Variants in PLPP4 observed in about 807,000 individuals in gnomAD.
PLPP4 encodes phospholipid phosphatase 4, also known as diacylglycerol pyrophosphate like 2.
PLPP4 carries 20 observed loss-of-function variants against 32.2 expected under a neutral mutation model. That is an observed-to-expected ratio of 0.62 (90% CI 0.44 to 0.90). PLPP4 has a LOEUF of 0.90. Among genes scored for constraint, PLPP4 ranks in the 40% least tolerant of loss-of-function variants. The pLI is 0.00. For missense variants in PLPP4, 257 were observed against 353.1 expected, an observed-to-expected ratio of 0.73 and a Z score of 2.18; for synonymous variants, 127 against 133.0, an observed-to-expected ratio of 0.95 and a Z score of 0.31.
intron 2 of PLPP4, among the ~76,000 whole-genome samples, chr10:120,512,607 A>G (rs1276849187): frequency 6.6e-6 from 1 of 152,130 alleles, no homozygotes; most frequent in Non-Finnish European, 1.5e-5. Flanking sequence ...CTGTTTTTAT[A>G]AAAGAAGAGC....
chr10:120,527,388 A>C (rs994596671), intron 5 of PLPP4, among the ~76,000 whole-genome samples: 1 of 152,122 alleles, frequency 6.6e-6, no homozygotes, highest in Non-Finnish European at 1.5e-5. Flanking sequence ...CTTTACTCTT[A>C]AGGCCTTCAA....
chr10:120,475,617 C>T (rs909198401), intron 1 of PLPP4, among the ~76,000 whole-genome samples: 2 of 152,208 alleles, frequency 1.3e-5, no homozygotes, highest in African/African-American at 4.8e-5. Flanking sequence ...GTCCAGAGAA[C>T]AACACGAGAT....
intron 6 of PLPP4, among the ~76,000 whole-genome samples, chr10:120,586,986 C>CA (rs1471928699): frequency 6.6e-6 from 1 of 151,816 alleles, no homozygotes; most frequent in Non-Finnish European, 1.5e-5. Flanking sequence ...ATAGAAATGA[C>CA]ATTGAGCCCT....
chr10:120,498,046 GA>G (rs570906201), intron 1 of PLPP4, among the ~76,000 whole-genome samples: 2,356 of 141,024 alleles, frequency 0.017, 22 homozygotes, highest in Non-Finnish European at 0.028. Flanking sequence ...TCTCAAAAAA[GA>G]AAAAAAAAAG....
chr10:120,533,029 G>A (rs1187426556), intron 5 of PLPP4, among the ~76,000 whole-genome samples: 2 of 152,086 alleles, frequency 1.3e-5, no homozygotes, highest in Non-Finnish European at 2.9e-5. Context: ...GCCACTGAAG[G>A]TAATAACAAC....
intron 5 of PLPP4, among the ~76,000 whole-genome samples, chr10:120,571,091 G>GGT (rs1325313688): frequency 8.1e-5 from 6 of 74,126 alleles, no homozygotes; most frequent in African/African-American, 3.3e-4. Flanking sequence ...GTAGTAAAGG[G>GGT]GCGTGTGTGT....
chr10:120,505,899 A>G (rs900371468), intron 2 of PLPP4, among the ~76,000 whole-genome samples: 1 of 152,212 alleles, frequency 6.6e-6, no homozygotes, highest in African/African-American at 2.4e-5. Context: ...CCTATTTTTC[A>G]TAACATTTTA....
chr10:120,481,051 G>A lies in PLPP4; in HGVS notation c.57-22767G>A, dbSNP rs1004749209. Among the ~76,000 whole-genome samples the A allele has an allele frequency of 3.9e-5, 6 of 152,228 alleles. No individual in the cohort carries two copies. The East Asian group carries it at 7.7e-4, about 20-fold the overall frequency. ...CTCCTGGTGGGCAGGGCCTGTGTCT[G>A]CCTGTGAGACGCTCCACCCTGAGCT... On this transcript the variant is annotated intron_variant, in intron 1 of 6. Coordinates refer to ENST00000398250, the MANE Select transcript of PLPP4 (RefSeq NM_001030059.3).
chr10:120,518,495 A>G (rs1482055287), intron 3 of PLPP4, among the ~76,000 whole-genome samples: 1 of 152,196 alleles, frequency 6.6e-6, no homozygotes, highest in Non-Finnish European at 1.5e-5. Flanking sequence ...GTTACCAGTA[A>G]AAGAAATTCT....
At position 120,558,186 on chromosome 10, in the gene PLPP4, A is replaced by C. The variant is rs970879929; in HGVS notation, c.446-16945A>C. On this transcript the variant is annotated intron_variant, in intron 5 of 6. Transcript: ENST00000398250. ...TGTGGCCATTATCTTGAGATTTTCA[A>C]AATTATTTCTTTGCTTTTCTAGATA... 4.0e-5 allele frequency among the ~76,000 whole-genome samples: 6 copies of C among 151,856 alleles called. No individual in the cohort carries two copies. In the South Asian group the frequency reaches 1.2e-3, roughly 32 times the overall value.
At chr10:120,482,256 T>A (rs1440809572) in intron 1 of PLPP4, among the ~76,000 whole-genome samples, 3 of 152,108 alleles carry the variant, frequency 2.0e-5, no homozygotes, top group African/African-American at 7.2e-5. Flanking sequence ...TGTGGGAAAG[T>A]TTGGAACTCC....
At position 120,457,277 on chromosome 10, in the gene PLPP4, G is replaced by C. The variant is rs747815388; in HGVS notation, c.-29G>C. 6.8e-7 allele frequency: 1 copy of C among 1,473,286 alleles called. No homozygotes were observed. Among genetic ancestry groups the C allele is most frequent in the South Asian group, 1.3e-5 (1 of 74,986 alleles). The allele number at this position is 1,473,286 out of a possible 1,614,324, so 91.3% of individuals were successfully genotyped here. ...GCGGGAGCCGCGGAGAGCACCAGCT[G>C]ACGCCGCGGGAGCTGCTCCGGCCGC... On this transcript the variant is annotated 5_prime_UTR_variant, in exon 1 of 7. Coordinates refer to ENST00000398250, the MANE Select transcript of PLPP4 (RefSeq NM_001030059.3).
At position 120,480,619 on chromosome 10, in the gene PLPP4, C is replaced by T. The variant is rs78542612; in HGVS notation, c.57-23199C>T. On this transcript the variant is annotated intron_variant, in intron 1 of 6. Coordinates refer to ENST00000398250, the MANE Select transcript of PLPP4 (RefSeq NM_001030059.3). ...CAGAGCTGGCAGCAGCCACCAATGACGGGAGAGGACTGGCTTGAAGGCAGT... is the reference window on the plus strand; with the variant it reads ...CAGAGCTGGCAGCAGCCACCAATGATGGGAGAGGACTGGCTTGAAGGCAGT... Among the ~76,000 whole-genome samples the T allele has an allele frequency of 3.5e-3, 537 of 152,294 alleles. 7 individuals are homozygous for T. The highest frequency in any genetic ancestry group is 0.012 in the African/African-American group (501 of 41,544).
At chr10:120,519,420 C>T (rs1846062887) in intron 4 of PLPP4, among the ~76,000 whole-genome samples, 1 of 151,624 alleles carries the variant, frequency 6.6e-6, no homozygotes, top group Non-Finnish European at 1.5e-5. Context: ...AATTCAAGAC[C>T]TAACTAACTC....
chr10:120,572,834 G>A (rs1327108305), intron 5 of PLPP4, among the ~76,000 whole-genome samples: 1 of 152,204 alleles, frequency 6.6e-6, no homozygotes, highest in African/African-American at 2.4e-5. Flanking sequence ...TGCTTGCTAC[G>A]TTGGTGGCCA....
intron 5 of PLPP4, among the ~76,000 whole-genome samples, chr10:120,528,809 C>T (rs1846554434): frequency 6.6e-6 from 1 of 152,124 alleles, no homozygotes; most frequent in South Asian, 2.1e-4. Flanking sequence ...TTTTTTATCA[C>T]TCCCTCCTCC....
chr10:120,569,806 C>T (rs1439465764), intron 5 of PLPP4, among the ~76,000 whole-genome samples: 4 of 152,182 alleles, frequency 2.6e-5, no homozygotes, highest in Non-Finnish European at 4.4e-5. Flanking sequence ...CATTACATAT[C>T]GGGTGCCTCC....
intron 1 of PLPP4, among the ~76,000 whole-genome samples, chr10:120,494,516 T>G (rs1252392766): frequency 5.3e-5 from 8 of 152,218 alleles, no homozygotes; most frequent in Admixed American, 5.2e-4. Context: ...GTTGGGCATT[T>G]ATGCTTGCTA....
chr10:120,503,518 T>G, intron 1 of PLPP4: 16 of 1,581,212 alleles, frequency 1.0e-5, no homozygotes, highest in Non-Finnish European at 1.3e-5. Flanking sequence ...TGACTTCAGT[T>G]TCCAGTTTAC....
Sources: gnomAD v4.1 joint callset for allele counts (sites outside exome capture counted in the v4.1 genomes callset) on GRCh38, gnomAD v4.1.1 for gene constraint, MANE v1.5 for transcripts, NCBI Gene and HGNC (gene_info 2026-07-23, HGNC 2026-07-21) for gene names.